LINGO2: variants seen among roughly 807,000 people sequenced by gnomAD.
The protein encoded by LINGO2 is leucine rich repeat and Ig domain containing 2, also known as leucine-rich repeat and immunoglobulin-like domain-containing nogo receptor-interacting protein 2.
In LINGO2, 14 loss-of-function variants were observed where a neutral mutation model predicts 30.6. That is an observed-to-expected ratio of 0.46 (90% CI 0.30 to 0.72). The LOEUF (loss-of-function observed/expected upper bound fraction) is 0.72. Ranked by LOEUF, LINGO2 falls within the 30% of genes least tolerant of loss-of-function variation. The pLI, the probability that LINGO2 is intolerant of heterozygous loss-of-function variation, is 0.07. For missense variants in LINGO2, 729 were observed against 751.7 expected (o/e 0.97, Z 0.35); for synonymous variants, 317 against 288.5 (o/e 1.10, Z -1.00).
At chr9:28,872,736 C>A in the LINGO2 span, among the ~76,000 whole-genome samples, 1 of 152,182 alleles carries the variant, frequency 6.6e-6, no homozygotes, top group Admixed American at 6.6e-5. Context: ...TATTTCATAG[C>A]TAACACTATG....
intron 1 of LINGO2, among the ~76,000 whole-genome samples, chr9:28,564,421 C>G (rs1313910254): frequency 1.3e-5 from 2 of 152,088 alleles, no homozygotes; most frequent in East Asian, 3.9e-4. Context: ...TGAGTCACTT[C>G]ACCAGACTTA....
intron 1 of LINGO2, among the ~76,000 whole-genome samples, chr9:28,578,319 T>A (rs1587899240): frequency 6.6e-6 from 1 of 152,076 alleles, no homozygotes; most frequent in Non-Finnish European, 1.5e-5. Context: ...CAGATTCAGA[T>A]TGCCTGTGTG....
intron 1 of LINGO2, among the ~76,000 whole-genome samples, chr9:28,577,145 A>C (rs1169477361): frequency 6.6e-6 from 1 of 152,194 alleles, no homozygotes; most frequent in Non-Finnish European, 1.5e-5. Context: ...CCACAAATTT[A>C]GGGTTATGAG....
chr9:28,036,820 A>T (rs1041466695), intron 4 of LINGO2, among the ~76,000 whole-genome samples: 3 of 152,254 alleles, frequency 2.0e-5, no homozygotes. Flanking sequence ...AAGAAAATTC[A>T]AAAGAAGCAG....
chr9:29,156,390 T>C, the LINGO2 span, among the ~76,000 whole-genome samples: 1 of 152,112 alleles, frequency 6.6e-6, no homozygotes, highest in Non-Finnish European at 1.5e-5. Context: ...TTTAGTTACC[T>C]CTAAATTCAT....
At chr9:28,911,576 A>G in the LINGO2 span, among the ~76,000 whole-genome samples, 36 of 152,232 alleles carry the variant, frequency 2.4e-4, no homozygotes, top group Non-Finnish European at 2.8e-4. Flanking sequence ...TTATTTATAC[A>G]TCAAACAGCA....
chr9:28,055,854 T>C (rs1387547791), intron 4 of LINGO2, among the ~76,000 whole-genome samples: 1 of 152,176 alleles, frequency 6.6e-6, no homozygotes, highest in Non-Finnish European at 1.5e-5. Flanking sequence ...CACAACTTAC[T>C]TTGGTTTCGA....
chr9:29,098,347 G>C, the LINGO2 span, among the ~76,000 whole-genome samples: 2 of 151,994 alleles, frequency 1.3e-5, no homozygotes, highest in South Asian at 4.1e-4. Flanking sequence ...CTAAACAGTA[G>C]AATTAAAAAG....
At chr9:29,091,616 T>C in the LINGO2 span, among the ~76,000 whole-genome samples, 1 of 151,994 alleles carries the variant, frequency 6.6e-6, no homozygotes, top group African/African-American at 2.4e-5. Context: ...AAGTGAAGAT[T>C]CTCTGCTCTC....
chr9:28,312,348 G>A (rs933084670), intron 3 of LINGO2, among the ~76,000 whole-genome samples: 60 of 151,800 alleles, frequency 4.0e-4, no homozygotes, highest in African/African-American at 1.4e-3. Flanking sequence ...ATAAAAATGA[G>A]AGGGAGAGAA....
chr9:29,021,730 AAGG>A, the LINGO2 span, among the ~76,000 whole-genome samples: 1 of 150,834 alleles, frequency 6.6e-6, no homozygotes, highest in African/African-American at 2.4e-5. Context: ...GGAAGGAAGG[AAGG>A]AAGGAAGGAA....
intron 3 of LINGO2, among the ~76,000 whole-genome samples, chr9:28,339,156 G>C (rs1360506): frequency 0.82 from 124,572 of 152,074 alleles, 51,141 homozygotes; most frequent in Non-Finnish European, 0.84. Context: ...TGCTAACTTT[G>C]TTAACCCCTT....
intron 1 of LINGO2, among the ~76,000 whole-genome samples, chr9:28,493,671 A>C (rs1356788737): frequency 6.6e-6 from 1 of 152,118 alleles, no homozygotes; most frequent in Non-Finnish European, 1.5e-5. Flanking sequence ...AGGATGCAAA[A>C]TTTTGTCCCT....
At chr9:28,499,597 T>C (rs1012302118) in intron 1 of LINGO2, among the ~76,000 whole-genome samples, 1 of 152,172 alleles carries the variant, frequency 6.6e-6, no homozygotes, top group Admixed American at 6.5e-5. Flanking sequence ...AGTTACTCAA[T>C]TTTACTAATC....
In LINGO2 at chr9:28,321,004, A is replaced by T. The variant is rs149267728; in HGVS notation, c.-245-25638T>A. On this transcript the variant is annotated intron_variant, in intron 3 of 5. Transcript: ENST00000379992. ...AGCTGCCAATCCATGGCATAAAATG[A>T]CAGCTCATTTAATCACATTTCTTAG... Among the ~76,000 whole-genome samples the T allele has an allele frequency of 5.3e-5, 8 of 152,298 alleles. No individual in the cohort carries two copies. In the East Asian group the frequency reaches 1.5e-3, roughly 29 times the overall value.
chr9:29,065,603 C>G, the LINGO2 span, among the ~76,000 whole-genome samples: 2 of 151,786 alleles, frequency 1.3e-5, no homozygotes, highest in Non-Finnish European at 1.5e-5. Context: ...ATTTCTTAAC[C>G]TGCCCTATAT....
At chr9:29,121,355 T>C in the LINGO2 span, among the ~76,000 whole-genome samples, 2 of 152,120 alleles carry the variant, frequency 1.3e-5, no homozygotes, top group Non-Finnish European at 2.9e-5. Context: ...AAATGCTATA[T>C]TTTTAAGCAA....
the LINGO2 span, among the ~76,000 whole-genome samples, chr9:29,056,276 T>C: frequency 2.0e-5 from 3 of 152,168 alleles, no homozygotes; most frequent in African/African-American, 7.2e-5. Flanking sequence ...TTTTTTGATT[T>C]TTTGATTATG....
the LINGO2 span, among the ~76,000 whole-genome samples, chr9:28,861,804 T>C: frequency 2.0e-5 from 3 of 151,958 alleles, no homozygotes; most frequent in Admixed American, 1.3e-4. Flanking sequence ...TAATTCATTG[T>C]TTGTAAACCT....
Sources: gnomAD v4.1 joint callset for allele counts (sites outside exome capture counted in the v4.1 genomes callset) on GRCh38, gnomAD v4.1.1 for gene constraint, MANE v1.5 for transcripts, NCBI Gene and HGNC (gene_info 2026-07-23, HGNC 2026-07-21) for gene names.